Variants in FREM1 observed in about 807,000 individuals in gnomAD.
FREM1 encodes FRAS1-related extracellular matrix protein 1.
In FREM1, 220 loss-of-function variants were observed where a neutral mutation model predicts 210.1. That is an observed-to-expected ratio of 1.05 (90% confidence interval 0.94 to 1.17). The LOEUF is 1.17. Among genes scored for constraint, FREM1 ranks in the 50% most tolerant of loss-of-function variants. FREM1 has a pLI of 0.00. For synonymous variants in FREM1, 1,189 were observed against 980.2 expected, an observed-to-expected ratio of 1.21 and a Z score of -3.98; for missense variants, 3,454 against 2,675.5, an observed-to-expected ratio of 1.29 and a Z score of -6.42.
intron 1 of FREM1, among the ~76,000 whole-genome samples, chr9:14,870,490 T>A (rs561323737): frequency 6.7e-6 from 1 of 149,708 alleles, no homozygotes. Context: ...GTTGTCTTTG[T>A]TTTTTTTCTT....
At chr9:14,802,307 T>C (rs541309218) in intron 19 of FREM1, among the ~76,000 whole-genome samples, 2 of 152,354 alleles carry the variant, frequency 1.3e-5, no homozygotes, top group Admixed American at 1.3e-4. Context: ...CATTTCCATC[T>C]GCTTTATAAG....
intron 1 of FREM1, among the ~76,000 whole-genome samples, chr9:14,869,570 A>T (rs1832207949): frequency 1.3e-5 from 2 of 152,222 alleles, no homozygotes; most frequent in South Asian, 4.1e-4. Flanking sequence ...GAGTTCATAG[A>T]CAGTTGTCAA....
intron 22 of FREM1, among the ~76,000 whole-genome samples, chr9:14,792,109 C>T (rs2133059165): frequency 6.6e-6 from 1 of 152,214 alleles, no homozygotes; most frequent in East Asian, 1.9e-4. Context: ...TCCCAAAGTG[C>T]TGGGATTCAG....
In FREM1 at chr9:14,860,867, A is replaced by ATATACGTATATATATACGTATATATACG. The variant is rs1339254428; in HGVS notation, c.330-1384_330-1383insCGTATATATACGTATATATATACGTATA. Among the ~76,000 whole-genome samples, 7 of 44,396 alleles carry ATATACGTATATATATACGTATATATACG rather than the reference A, an allele frequency of 1.6e-4. 2 individuals are homozygous for ATATACGTATATATATACGTATATATACG. Among genetic ancestry groups the ATATACGTATATATATACGTATATATACG allele is most frequent in the East Asian group, 1.8e-3 (2 of 1,082 alleles). 29.1% of individuals were successfully genotyped at this position (44,396 alleles called of 152,430 possible). A position where few individuals can be genotyped will look rare whatever the true frequency, so the allele number is the denominator to read the frequency against. ...TACATATATACGTATATATACACAT[A>ATATACGTATATATATACGTATATATACG]TATATACGTATATATACACATATAT... On this transcript the variant is annotated intron_variant, in intron 3 of 36. Coordinates refer to ENST00000380880, the MANE Select transcript of FREM1 (RefSeq NM_001379081.2).
chr9:14,821,763 G>C (rs1050202066), intron 13 of FREM1, among the ~76,000 whole-genome samples: 1 of 152,210 alleles, frequency 6.6e-6, no homozygotes, highest in African/African-American at 2.4e-5. Flanking sequence ...GGTCTGGAGA[G>C]CACGCCCTAT....
intron 10 of FREM1, among the ~76,000 whole-genome samples, chr9:14,832,414 T>C (rs548149592): frequency 6.6e-6 from 1 of 152,174 alleles, no homozygotes. Flanking sequence ...GAAGAGAATT[T>C]TGGAGATAAG....
intron 1 of FREM1, among the ~76,000 whole-genome samples, chr9:14,873,453 G>C (rs1412416769): frequency 6.6e-6 from 1 of 152,168 alleles, no homozygotes; most frequent in Admixed American, 6.5e-5. Context: ...TAGTTTATTT[G>C]TGTAGAGGTG....
chr9:14,869,935 C>T (rs1381697774), intron 1 of FREM1, among the ~76,000 whole-genome samples: 1 of 152,228 alleles, frequency 6.6e-6, no homozygotes, highest in Non-Finnish European at 1.5e-5. Context: ...ATCTACAATG[C>T]TAATTACATT....
At chr9:14,860,568 TACACA>T (rs1564098897) in intron 3 of FREM1, among the ~76,000 whole-genome samples, 28 of 72,890 alleles carry the variant, frequency 3.8e-4, no homozygotes, top group African/African-American at 1.3e-3. Flanking sequence ...CACATATATA[TACACA>T]TATATATACA....
At chr9:14,866,609 C>T (rs1204745153) in intron 2 of FREM1, among the ~76,000 whole-genome samples, 1 of 152,184 alleles carries the variant, frequency 6.6e-6, no homozygotes. Flanking sequence ...AGACAGCTTG[C>T]TCCTGCGAGC....
At chr9:14,793,844 G>T (rs961452758) in intron 21 of FREM1, among the ~76,000 whole-genome samples, 5 of 152,190 alleles carry the variant, frequency 3.3e-5, no homozygotes, top group Non-Finnish European at 7.3e-5. Flanking sequence ...TTCACTCAGG[G>T]TGAGTATCTT....
intron 1 of FREM1, among the ~76,000 whole-genome samples, chr9:14,908,060 T>C (rs1440542939): frequency 1.3e-5 from 2 of 152,104 alleles, no homozygotes; most frequent in African/African-American, 4.8e-5. Flanking sequence ...CCTAAATGTT[T>C]GGAATGAGGA....
intron 36 of FREM1, among the ~76,000 whole-genome samples, chr9:14,739,223 C>T (rs1840985696): frequency 6.6e-6 from 1 of 151,038 alleles, no homozygotes; most frequent in South Asian, 2.1e-4. Context: ...TCCACCTCAG[C>T]CTCCCAAGTA....
At chr9:14,773,301 T>C (rs774648970) in intron 25 of FREM1, among the ~76,000 whole-genome samples, 10 of 152,200 alleles carry the variant, frequency 6.6e-5, no homozygotes, top group Non-Finnish European at 1.3e-4. Context: ...CTGGTATCAG[T>C]CAAATACACC....
chr9:14,764,773 G>C (rs559519387), intron 27 of FREM1, among the ~76,000 whole-genome samples: 1 of 152,168 alleles, frequency 6.6e-6, no homozygotes, highest in East Asian at 1.9e-4. Context: ...TAATAAATAT[G>C]TTCTTTCTGA....
intron 23 of FREM1, among the ~76,000 whole-genome samples, chr9:14,785,052 C>T (rs146036992): frequency 2.6e-5 from 4 of 152,290 alleles, no homozygotes; most frequent in South Asian, 2.1e-4. Flanking sequence ...CGAATGTTCA[C>T]GTATACCTTG....
Position 14,868,961 on chromosome 9 carries a change from C to A in FREM1, c.17G>T (p.Trp6Leu). ...CAGCAGCACGGCATTCGCAGCCCCCCAACTCAGAGAGTTCATGCTGACAGG... is the reference window on the plus strand; with the variant it reads ...CAGCAGCACGGCATTCGCAGCCCCCAAACTCAGAGAGTTCATGCTGACAGG... MNSLS[W>L]GAANAVLLLL... Residue 6 changes from tryptophan to leucine, a missense_variant, in exon 2 of 37, where the codon TGG becomes TTG. Transcript: ENST00000380880. The A allele has an allele frequency of 6.3e-7, 1 of 1,583,112 alleles. No individual in the cohort carries two copies. The highest frequency in any genetic ancestry group is 2.3e-5 in the East Asian group (1 of 43,832).
chr9:14,761,910 A>G (rs1845565769), intron 27 of FREM1, among the ~76,000 whole-genome samples: 1 of 152,216 alleles, frequency 6.6e-6, no homozygotes, highest in South Asian at 2.1e-4. Flanking sequence ...ATCCCATGAT[A>G]GTTGTTCTAT....
intron 2 of FREM1, among the ~76,000 whole-genome samples, chr9:14,866,812 G>A (rs1359788115): frequency 2.0e-5 from 3 of 151,894 alleles, no homozygotes; most frequent in Non-Finnish European, 2.9e-5. Context: ...AGTCCTCTAG[G>A]ATCAGGTGTC....
Sources: allele counts gnomAD v4.1 joint callset (sites outside exome capture counted in the v4.1 genomes callset), GRCh38; gene constraint gnomAD v4.1.1; transcripts MANE v1.5; gene names NCBI Gene and HGNC (gene_info 2026-07-23, HGNC 2026-07-21).